PEX13: variants seen among roughly 807,000 people sequenced by gnomAD.
The protein encoded by PEX13 is peroxisomal biogenesis factor 13.
In PEX13, 28 loss-of-function variants were observed where a neutral mutation model predicts 34.5. That is an observed-to-expected ratio of 0.81 (90% CI 0.60 to 1.11). The LOEUF (loss-of-function observed/expected upper bound fraction) is 1.11, where lower values mean the gene tolerates loss of function less well. PEX13 is among the 50% of genes most tolerant of loss of function. PEX13 has a pLI of 0.00. For synonymous variants in PEX13, 177 were observed against 175.1 expected (o/e 1.01, Z -0.09); for missense variants, 550 against 491.0 (o/e 1.12, Z -1.13).
At chr2:61,035,738 C>T (rs977518920) in intron 2 of PEX13, among the ~76,000 whole-genome samples, 2 of 152,092 alleles carry the variant, frequency 1.3e-5, no homozygotes, top group Admixed American at 1.3e-4. Context: ...AATCCCAGCA[C>T]TTTGTGAGGC....
At chr2:61,046,443 A>G (rs1170126552) in intron 3 of PEX13, among the ~76,000 whole-genome samples, 2 of 152,110 alleles carry the variant, frequency 1.3e-5, no homozygotes, top group African/African-American at 4.8e-5. Flanking sequence ...CAGGATTTTT[A>G]TGGATTTTTT....
chr2:61,045,776 G>T lies in PEX13; in HGVS notation c.838G>T (p.Glu280Ter). ...GGATGACCATGTAGTTGCCAGAGCA[G>T]AATATGATTTTGCTGCCGTATCTGA... The part of the protein sequence containing the change: ...GEDDHVVARA[E>*]YDFAAVSEEE... The change falls in exon 3 of 4, where the codon GAA (glutamate) becomes TAA (stop). Residue 280 changes from glutamate to a stop codon, truncating the protein, a stop_gained. Coordinates refer to ENST00000295030, the MANE Select transcript of PEX13 (RefSeq NM_002618.4). LOFTEE classifies it high-confidence loss of function. 1 of 1,611,292 alleles carries T rather than the reference G, an allele frequency of 6.2e-7. No individual in the cohort carries two copies. The highest frequency in any genetic ancestry group is 8.5e-7 in the Non-Finnish European group (1 of 1,177,424).
At position 61,020,952 on chromosome 2, in the gene PEX13, G is replaced by T. The variant is rs186087493; in HGVS notation, c.92+3101G>T. Reference sequence around the variant, plus strand: ...TTACAGGTGTGAGTCACTATGCCCAGCCCTTACCTTGCTCAGATTTTTATT... The same window carrying T: ...TTACAGGTGTGAGTCACTATGCCCATCCCTTACCTTGCTCAGATTTTTATT... On this transcript the variant is annotated intron_variant, in intron 1 of 3. Transcript: ENST00000295030. 2.4e-3 allele frequency among the ~76,000 whole-genome samples: 360 copies of T among 152,204 alleles called. 1 individual carries two copies. Among genetic ancestry groups the T allele is most frequent in the Non-Finnish European group, 3.2e-3 (216 of 68,016 alleles).
chr2:61,032,007 A>G lies in PEX13; in HGVS notation c.681A>G (p.Ala227=), dbSNP rs1183885370. ...CATGCCTTGGTGCTGAGGACCGAGC[A>G]GCTACCTCAGCAAAATCTTGGCCAA... The part of the protein sequence containing the change: ...TVACLGAEDR[A]ATSAKSWPIF... Residue 227 remains alanine (A), a synonymous_variant, in exon 2 of 4, where the codon GCA becomes GCG. Coordinates refer to ENST00000295030, the MANE Select transcript of PEX13 (RefSeq NM_002618.4). 2 of 1,613,024 alleles carry G rather than the reference A, an allele frequency of 1.2e-6. No individual in the cohort carries two copies. The highest frequency in any genetic ancestry group is 2.7e-5 in the African/African-American group (2 of 74,920).
intron 1 of PEX13, among the ~76,000 whole-genome samples, chr2:61,025,621 A>C (rs1448466945): frequency 2.0e-5 from 3 of 152,168 alleles, no homozygotes; most frequent in African/African-American, 7.2e-5. Context: ...AGCCTCCCAA[A>C]GTGCTGGGAT....
rs572949561 is a variant in PEX13, at chr2:61,028,543, C to T, written c.93-2876C>T. ...CTGGGACTACAGGCACCCACCACCA[C>T]GTCCGGCTAATTTTTGTATTTTTAG... On this transcript the variant is annotated intron_variant, in intron 1 of 3. Coordinates refer to ENST00000295030, the MANE Select transcript of PEX13 (RefSeq NM_002618.4). Among the ~76,000 whole-genome samples the T allele has an allele frequency of 6.6e-5, 10 of 151,880 alleles. No homozygotes were observed. The South Asian group carries it at 1.5e-3, about 22-fold the overall frequency.
intron 1 of PEX13, among the ~76,000 whole-genome samples, chr2:61,019,549 C>T (rs1464655123): frequency 6.6e-6 from 1 of 152,076 alleles, no homozygotes; most frequent in Non-Finnish European, 1.5e-5. Context: ...CCGGTTTTTT[C>T]ATTTGCATTT....
At chr2:61,020,516 T>G (rs1339687495) in intron 1 of PEX13, among the ~76,000 whole-genome samples, 1 of 152,240 alleles carries the variant, frequency 6.6e-6, no homozygotes, top group Admixed American at 6.5e-5. Flanking sequence ...GCTAGCATCC[T>G]TGTATTGGTC....
At position 61,051,081 on chromosome 2, in the gene PEX13, TATC is replaced by T. The variant is rs1378593981; in HGVS notation, c.*2314_*2316del. On this transcript the variant is annotated 3_prime_UTR_variant, in exon 4 of 4. Transcript: ENST00000295030. ...TGAAACGACAGTATCGTAAGTAACA[TATC>T]ATTTATAATAGAAATCTTGACCCAG... The T allele has an allele frequency of 6.6e-6, 1 of 152,450 alleles. No homozygotes were observed. Among genetic ancestry groups the T allele is most frequent in the East Asian group, 1.9e-4 (1 of 5,328 alleles). 9.4% of individuals were successfully genotyped at this position (152,450 alleles called of 1,614,324 possible).
chr2:61,049,958 C>G lies in PEX13; in HGVS notation c.*1188C>G, dbSNP rs1680768900. Reference sequence around the variant, plus strand: ...TATTTTCATAGATTGTTTGCTTCTACCTTGTGTAATTTTTTAAATTCCATA... The same window carrying G: ...TATTTTCATAGATTGTTTGCTTCTAGCTTGTGTAATTTTTTAAATTCCATA... On this transcript the variant is annotated 3_prime_UTR_variant, in exon 4 of 4. Transcript: ENST00000295030. 6.6e-6 allele frequency: 1 copy of G among 152,114 alleles called. No homozygotes were observed. The highest frequency in any genetic ancestry group is 2.1e-4 in the South Asian group (1 of 4,818). The allele number at this position is 152,114 out of a possible 1,614,324, so 9.4% of individuals were successfully genotyped here.
rs1680794741 is a variant in PEX13 at position 61,051,281 on chromosome 2, C to G, written c.*2511C>G. The G allele has an allele frequency of 6.6e-6, 1 of 152,190 alleles. No homozygotes were observed. Among genetic ancestry groups the G allele is most frequent in the African/African-American group, 2.4e-5 (1 of 41,386 alleles). 9.4% of individuals were successfully genotyped at this position (152,190 alleles called of 1,614,324 possible). A position where few individuals can be genotyped will look rare whatever the true frequency, so the allele number is the denominator to read the frequency against. The stretch of plus-strand genomic sequence containing the variant: ...AGATAATTTATAGAAATTTTGTTCT[C>G]AAAACAAATGTTTGATAAAACAGAT... On this transcript the variant is annotated 3_prime_UTR_variant, in exon 4 of 4. Transcript: ENST00000295030.
chr2:61,019,976 C>T (rs2104794496), intron 1 of PEX13, among the ~76,000 whole-genome samples: 1 of 152,160 alleles, frequency 6.6e-6, no homozygotes, highest in South Asian at 2.1e-4. Context: ...TTATAATTAT[C>T]CACTTTGGGA....
At chr2:61,036,354 G>A (rs1012802068) in intron 2 of PEX13, among the ~76,000 whole-genome samples, 1 of 152,112 alleles carries the variant, frequency 6.6e-6, no homozygotes, top group African/African-American at 2.4e-5. Context: ...TTGAAATGAA[G>A]GAAAAAATGT....
chr2:61,041,727 GT>G lies in PEX13; in HGVS notation c.788-3995del, dbSNP rs1680628438. ...TGTTGTGGGAGATTGTCAGTTTTTT[GT>G]TTTGCTTTGTCTTTTCAGAAGTGAG... On this transcript the variant is annotated intron_variant, in intron 2 of 3. Transcript: ENST00000295030. 2.6e-5 allele frequency among the ~76,000 whole-genome samples: 4 copies of G among 152,266 alleles called. No homozygotes were observed. The South Asian group carries it at 6.2e-4, about 24-fold the overall frequency.
intron 2 of PEX13, among the ~76,000 whole-genome samples, chr2:61,040,207 T>C (rs1013351382): frequency 1.3e-5 from 2 of 152,146 alleles, no homozygotes; most frequent in Admixed American, 1.3e-4. Flanking sequence ...GAACTAGAAA[T>C]ACCGTTTGAC....
chr2:61,037,248 C>CTCACCTCTGGACCCAGCGGACCTA (rs1680551120), intron 2 of PEX13, among the ~76,000 whole-genome samples: 1 of 152,208 alleles, frequency 6.6e-6, no homozygotes, highest in Non-Finnish European at 1.5e-5. Flanking sequence ...AGGACTTGAA[C>CTCACCTCTGGACCCAGCGGACCTA]TCACCTCTGG....
intron 1 of PEX13, chr2:61,018,627 C>G (rs538173408): frequency 5.7e-6 from 1 of 176,308 alleles, no homozygotes; most frequent in East Asian, 1.5e-4. Context: ...AATGTCAAAT[C>G]ACCTACTATT....
At chr2:61,018,410 A>G in intron 1 of PEX13, 2 of 1,249,578 alleles carry the variant, frequency 1.6e-6, no homozygotes, top group East Asian at 2.6e-5. Context: ...CAGGAGTTCT[A>G]GATCTGAGGC....
chr2:61,019,564 C>T (rs1301205886), intron 1 of PEX13, among the ~76,000 whole-genome samples: 3 of 152,060 alleles, frequency 2.0e-5, no homozygotes, highest in Non-Finnish European at 4.4e-5. Flanking sequence ...GCATTTAATC[C>T]ACATGGAACT....
Sources: gnomAD v4.1 joint callset for allele counts (sites outside exome capture counted in the v4.1 genomes callset) on GRCh38, gnomAD v4.1.1 for gene constraint, MANE v1.5 for transcripts, NCBI Gene and HGNC (gene_info 2026-07-23, HGNC 2026-07-21) for gene names.